BBX: variants seen among roughly 807,000 people sequenced by gnomAD.
BBX encodes BBX high mobility group box domain containing.
Under a neutral mutation model 100.2 loss-of-function variants are expected in BBX, and 30 were observed. That is an observed-to-expected ratio of 0.30 (90% CI 0.22 to 0.41). BBX has a LOEUF of 0.41. Ranked by LOEUF, BBX falls within the 10% of genes least tolerant of loss-of-function variation. The pLI is 1.00. For missense variants in BBX, 1,023 were observed against 1,129.8 expected (o/e 0.91, Z 1.35); for synonymous variants, 376 against 388.1 (o/e 0.97, Z 0.37).
intron 2 of BBX, among the ~76,000 whole-genome samples, chr3:107,570,171 T>C (rs770450147): frequency 4.6e-5 from 7 of 152,184 alleles, no homozygotes; most frequent in African/African-American, 1.4e-4. Flanking sequence ...GAAGTTCTTG[T>C]GTGCTGGAGA....
intron 2 of BBX, among the ~76,000 whole-genome samples, chr3:107,599,866 A>T (rs1339327958): frequency 6.6e-6 from 1 of 152,176 alleles, no homozygotes; most frequent in Admixed American, 6.5e-5. Context: ...TTGTCTGTAA[A>T]CAAGATGATG....
intron 14 of BBX, among the ~76,000 whole-genome samples, 168 bp from the exon 15 acceptor site, chr3:107,791,072 A>G (rs1294069918): frequency 6.6e-6 from 1 of 152,182 alleles, no homozygotes; most frequent in Non-Finnish European, 1.5e-5. Context: ...CAGCCTCATT[A>G]TTTTAGTTGG....
In BBX at chr3:107,716,723, C is replaced by T. The variant is rs768890393; in HGVS notation, c.279C>T (p.Arg93=). ...ATGCATTTCTTTTATTTTGCAAACG[C>T]CATCGCTCTCTTGTACGTCAGGAAC... is the stretch of plus-strand genomic sequence containing the variant. The part of the protein sequence containing the change: ...PMNAFLLFCK[R]HRSLVRQEHP... Residue 93 remains arginine (R), a synonymous_variant, in exon 5 of 18, where the codon CGC becomes CGT. Coordinates refer to ENST00000325805, the MANE Select transcript of BBX (RefSeq NM_001142568.3). The T allele has an allele frequency of 4.3e-6, 7 of 1,613,774 alleles. No homozygotes were observed. The highest frequency in any genetic ancestry group is 5.1e-6 in the Non-Finnish European group (6 of 1,179,778).
chr3:107,802,611 G>A (rs1239320883), intron 17 of BBX, among the ~76,000 whole-genome samples: 2 of 152,180 alleles, frequency 1.3e-5, no homozygotes, highest in Admixed American at 6.5e-5. Context: ...ATTGAGAGAG[G>A]GATAATAATT....
At chr3:107,710,741 C>A in intron 4 of BBX, 119 bp downstream of exon 4, 1 of 890,838 alleles carries the variant, frequency 1.1e-6, no homozygotes, top group Non-Finnish European at 1.7e-6. Flanking sequence ...TAGCTTGAAT[C>A]CTATTCAATT....
chr3:107,711,897 G>A (rs1171368327), intron 4 of BBX, among the ~76,000 whole-genome samples: 1 of 151,404 alleles, frequency 6.6e-6, no homozygotes, highest in African/African-American at 2.4e-5. Flanking sequence ...TTTTAGAAAG[G>A]GTCTCACTGT....
intron 3 of BBX, among the ~76,000 whole-genome samples, chr3:107,675,221 T>C (rs1300579901): frequency 6.6e-6 from 1 of 152,128 alleles, no homozygotes; most frequent in Non-Finnish European, 1.5e-5. Flanking sequence ...CCTTACTCTG[T>C]GATATGATGA....
intron 2 of BBX, among the ~76,000 whole-genome samples, chr3:107,606,533 G>T (rs182564338): frequency 2.6e-4 from 40 of 151,956 alleles, no homozygotes; most frequent in Non-Finnish European, 5.0e-4. Context: ...AAACATCCTT[G>T]GTTTCTCTAC....
intron 8 of BBX, among the ~76,000 whole-genome samples, chr3:107,745,704 TC>T (rs1198291621): frequency 6.6e-6 from 1 of 152,088 alleles, no homozygotes; most frequent in Non-Finnish European, 1.5e-5. Flanking sequence ...TCGTCCCACC[TC>T]AGCCCGTCAG....
At chr3:107,785,585 A>T (rs2068329283) in intron 13 of BBX, among the ~76,000 whole-genome samples, 1 of 152,060 alleles carries the variant, frequency 6.6e-6, no homozygotes, top group South Asian at 2.1e-4. Flanking sequence ...AAACCACTTG[A>T]TCATCCCAAT....
intron 3 of BBX, among the ~76,000 whole-genome samples, chr3:107,685,794 G>A (rs532735954): frequency 5.3e-5 from 8 of 152,222 alleles, no homozygotes; most frequent in African/African-American, 1.9e-4. Flanking sequence ...ATTTTTGCAC[G>A]TTTGTTTTGT....
At chr3:107,701,416 A>G (rs530957306) in intron 3 of BBX, among the ~76,000 whole-genome samples, 15 of 152,212 alleles carry the variant, frequency 9.9e-5, no homozygotes, top group Non-Finnish European at 1.8e-4. Flanking sequence ...TCTTTCGCCT[A>G]GAGTTGTATT....
chr3:107,565,075 A>G (rs1398420112), intron 2 of BBX, among the ~76,000 whole-genome samples: 1 of 152,048 alleles, frequency 6.6e-6, no homozygotes, highest in East Asian at 1.9e-4. Context: ...GATACTTTAT[A>G]GTTTTTGTTG....
chr3:107,716,986 A>T, intron 5 of BBX, 137 bp downstream of exon 5: 3 of 1,133,526 alleles, frequency 2.6e-6, no homozygotes, highest in Non-Finnish European at 3.7e-6. Flanking sequence ...TAAAAACATA[A>T]CCGCTTTCTT....
At chr3:107,570,519 G>A (rs2051275108) in intron 2 of BBX, among the ~76,000 whole-genome samples, 1 of 152,032 alleles carries the variant, frequency 6.6e-6, no homozygotes, top group Admixed American at 6.6e-5. Flanking sequence ...GGGAGAGGTC[G>A]GATAAAGAAA....
chr3:107,701,893 G>T (rs1033284753), intron 3 of BBX, among the ~76,000 whole-genome samples: 1 of 151,892 alleles, frequency 6.6e-6, no homozygotes, highest in Non-Finnish European at 1.5e-5. Flanking sequence ...TAATCTCTTA[G>T]CTCTGGTACA....
At chr3:107,722,512 G>T (rs767412585) in intron 5 of BBX, among the ~76,000 whole-genome samples, 1 of 151,608 alleles carries the variant, frequency 6.6e-6, no homozygotes, top group Non-Finnish European at 1.5e-5. Context: ...AATAATTTTC[G>T]CCCTTATAGC....
chr3:107,805,375 A>G lies in BBX; in HGVS notation c.2744A>G (p.Gln915Arg). ...VAAMENVHRG[Q>R]RSTPLTHDGQ... is the part of the protein sequence containing the mutation. ...TTCTTCCTTTTATTTTACAGAGGTC[A>G]GAGGTCAACTCCGCTCACCCATGAT... is the stretch of plus-strand genomic sequence containing the variant. Residue 915 changes from glutamine to arginine, a missense_variant, in exon 18 of 18, where the codon CAG becomes CGG. By Grantham distance (43) the Gln-to-Arg change is conservative. Coordinates refer to ENST00000325805, the MANE Select transcript of BBX (RefSeq NM_001142568.3). 6.2e-7 allele frequency: 1 copy of G among 1,613,014 alleles called. No homozygotes were observed. Among genetic ancestry groups the G allele is most frequent in the Non-Finnish European group, 8.5e-7 (1 of 1,179,406 alleles).
chr3:107,584,375 A>G (rs1187099966), intron 2 of BBX, among the ~76,000 whole-genome samples: 1 of 148,380 alleles, frequency 6.7e-6, no homozygotes, highest in Admixed American at 7.0e-5. Flanking sequence ...TTAGTTTTGC[A>G]CACATTTTAG....
Sources: allele counts gnomAD v4.1 joint callset (sites outside exome capture counted in the v4.1 genomes callset), GRCh38; gene constraint gnomAD v4.1.1; transcripts MANE v1.5; gene names NCBI Gene and HGNC (gene_info 2026-07-23, HGNC 2026-07-21).